CNTN6: variants seen among roughly 807,000 people sequenced by gnomAD.
The protein encoded by CNTN6 is contactin 6.
A neutral mutation model predicts 122.8 loss-of-function variants in CNTN6; 137 were observed. That is an observed-to-expected ratio of 1.12 (90% confidence interval 0.97 to 1.29). The LOEUF is 1.29. Among genes scored for constraint, CNTN6 ranks in the 50% most tolerant of loss-of-function variants. CNTN6 has a pLI of 0.00. For missense variants in CNTN6, 1,634 were observed against 1,223.4 expected, an observed-to-expected ratio of 1.34 and a Z score of -5.01; for synonymous variants, 570 against 426.0, an observed-to-expected ratio of 1.34 and a Z score of -4.16.
intron 8 of CNTN6, among the ~76,000 whole-genome samples, chr3:1,322,096 A>G (rs949028362): frequency 2.0e-5 from 3 of 151,748 alleles, no homozygotes; most frequent in Admixed American, 1.3e-4. Context: ...TAAAGCCATA[A>G]AAGTTTATAA....
intron 1 of CNTN6, among the ~76,000 whole-genome samples, chr3:1,108,765 A>C (rs1377546908): frequency 6.6e-6 from 1 of 152,076 alleles, no homozygotes; most frequent in Non-Finnish European, 1.5e-5. Flanking sequence ...CTGTATATAA[A>C]AATTAACTAA....
intron 22 of CNTN6, 78 bp from the exon 23 acceptor site, chr3:1,403,240 A>G (rs1695957319): frequency 1.2e-6 from 1 of 806,664 alleles, no homozygotes; most frequent in Non-Finnish European, 2.0e-6. Flanking sequence ...GATAGTATGA[A>G]ATTGGGGTTT....
At chr3:1,195,685 G>C (rs1427288053) in intron 2 of CNTN6, among the ~76,000 whole-genome samples, 4 of 152,040 alleles carry the variant, frequency 2.6e-5, no homozygotes, top group African/African-American at 9.7e-5. Flanking sequence ...TTTACCTTTT[G>C]AATGAAACTG....
intron 5 of CNTN6, among the ~76,000 whole-genome samples, chr3:1,281,352 A>G (rs1176324958): frequency 6.6e-6 from 1 of 152,180 alleles, no homozygotes; most frequent in Non-Finnish European, 1.5e-5. Context: ...CTGTAAAGTA[A>G]ATGTCGGCGT....
chr3:1,176,737 A>G (rs1407574359), intron 2 of CNTN6, among the ~76,000 whole-genome samples: 2 of 152,196 alleles, frequency 1.3e-5, no homozygotes, highest in African/African-American at 4.8e-5. Flanking sequence ...CTAAGTGGAA[A>G]GTGTGGAAAT....
intron 7 of CNTN6, among the ~76,000 whole-genome samples, chr3:1,301,606 T>C (rs1697430438): frequency 1.3e-5 from 2 of 152,176 alleles, no homozygotes. Flanking sequence ...TAGAGTACAC[T>C]CCCTAAATTG....
intron 2 of CNTN6, among the ~76,000 whole-genome samples, chr3:1,175,674 T>C (rs955828614): frequency 6.6e-6 from 1 of 152,196 alleles, no homozygotes; most frequent in Non-Finnish European, 1.5e-5. Flanking sequence ...ATTATCTGAT[T>C]TGTATATGCA....
At chr3:1,301,619 A>G (rs3864034) in intron 7 of CNTN6, among the ~76,000 whole-genome samples, 66,726 of 151,884 alleles carry the variant, frequency 0.44, 18,045 homozygotes, top group East Asian at 0.78. Flanking sequence ...CTAAATTGTT[A>G]TCTAACAAAA....
chr3:1,165,395 G>T (rs555506531), intron 2 of CNTN6, among the ~76,000 whole-genome samples: 46 of 152,206 alleles, frequency 3.0e-4, no homozygotes, highest in Admixed American at 2.1e-3. Flanking sequence ...AGTTTCAATG[G>T]TCCATCTGCT....
chr3:1,348,300 A>G (rs1019819850), intron 11 of CNTN6, among the ~76,000 whole-genome samples: 3 of 151,988 alleles, frequency 2.0e-5, no homozygotes, highest in African/African-American at 7.2e-5. Context: ...TTACACCATA[A>G]TTGCACAGGA....
intron 6 of CNTN6, 99 bp downstream of exon 6, chr3:1,295,903 C>A (rs952374710): frequency 5.3e-5 from 56 of 1,049,148 alleles, no homozygotes; most frequent in Non-Finnish European, 7.1e-5. Context: ...TTGGTGGAGC[C>A]AAATTACGAG....
rs148960735 is a variant in CNTN6, at chr3:1,167,889, T to C, written c.55+19826T>C. On this transcript the variant is annotated intron_variant, in intron 2 of 22. Transcript: ENST00000446702. ...AGGATCTCAAAATAATTTGACGACA[T>C]AGGAAATGTCATTCTTTTTTTCATT... Among the ~76,000 whole-genome samples, 386 of 152,312 alleles carry C rather than the reference T, an allele frequency of 2.5e-3. 2 individuals are homozygous for C. The highest frequency in any genetic ancestry group is 8.7e-3 in the African/African-American group (361 of 41,570).
intron 4 of CNTN6, among the ~76,000 whole-genome samples, chr3:1,233,412 T>C (rs530339023): frequency 7.3e-6 from 1 of 136,350 alleles, no homozygotes; most frequent in South Asian, 2.8e-4. Flanking sequence ...CCGTTCTGAA[T>C]AATGTTAAGG....
intron 1 of CNTN6, among the ~76,000 whole-genome samples, chr3:1,102,692 C>G (rs561507487): frequency 4.7e-5 from 7 of 149,962 alleles, no homozygotes; most frequent in South Asian, 2.1e-4. Flanking sequence ...GGCGCCACCG[C>G]CCTCCAGCCT....
At chr3:1,304,363 G>C (rs1173727908) in intron 7 of CNTN6, among the ~76,000 whole-genome samples, 1 of 152,012 alleles carries the variant, frequency 6.6e-6, no homozygotes, top group Non-Finnish European at 1.5e-5. Flanking sequence ...GTGAGGCTTA[G>C]ATAAATTAAG....
intron 2 of CNTN6, among the ~76,000 whole-genome samples, chr3:1,164,349 G>A (rs2093199983): frequency 6.6e-6 from 1 of 152,208 alleles, no homozygotes; most frequent in African/African-American, 2.4e-5. Context: ...GCCCAAGAGG[G>A]CTTGTTAGCA....
chr3:1,162,942 G>T (rs764383401), intron 2 of CNTN6, among the ~76,000 whole-genome samples: 4 of 152,170 alleles, frequency 2.6e-5, no homozygotes, highest in Non-Finnish European at 5.9e-5. Flanking sequence ...AAAGCAAAGA[G>T]TATTCAGACC....
chr3:1,294,541 A>T (rs963810126), intron 5 of CNTN6, among the ~76,000 whole-genome samples: 8 of 152,152 alleles, frequency 5.3e-5, no homozygotes, highest in Non-Finnish European at 1.2e-4. Context: ...ATTAAACGGA[A>T]CACAAGTTCT....
intron 10 of CNTN6, 30 bp downstream of exon 10, chr3:1,327,616 C>G (rs1472614783): frequency 6.2e-7 from 1 of 1,601,210 alleles, no homozygotes; most frequent in Non-Finnish European, 8.5e-7. Context: ...CCAACAAATT[C>G]AAAATGACGT....
Sources: gnomAD v4.1 joint callset for allele counts (sites outside exome capture counted in the v4.1 genomes callset) on GRCh38, gnomAD v4.1.1 for gene constraint, MANE v1.5 for transcripts, NCBI Gene and HGNC (gene_info 2026-07-23, HGNC 2026-07-21) for gene names.